Variants in PCDH7 observed in about 807,000 individuals in gnomAD.
PCDH7 encodes protocadherin-7.
PCDH7 carries 17 observed loss-of-function variants against 58.9 expected under a neutral mutation model. The observed-to-expected ratio is 0.29, with a 90% CI of 0.20 to 0.43. The LOEUF is 0.43. PCDH7 is among the 20% of genes least tolerant of loss of function. The pLI is 1.00. For synonymous variants in PCDH7, 664 were observed against 616.4 expected, an observed-to-expected ratio of 1.08 and a Z score of -1.14; for missense variants, 1,274 against 1,441.0, an observed-to-expected ratio of 0.88 and a Z score of 1.88.
chr4:31,056,461 G>GAA, intron 3 of PCDH7, among the ~76,000 whole-genome samples: 1 of 37,136 alleles, frequency 2.7e-5, no homozygotes, highest in South Asian at 1.5e-3. Context: ...AAAGAAAGAA[G>GAA]AAAGAAAGAA....
At chr4:30,840,185 G>A (rs1378095009) in intron 1 of PCDH7, among the ~76,000 whole-genome samples, 2 of 151,862 alleles carry the variant, frequency 1.3e-5, no homozygotes, top group African/African-American at 4.8e-5. Flanking sequence ...CTGCCTGCTA[G>A]GATTTCTGTG....
chr4:31,043,076 C>T (rs1366271028), intron 3 of PCDH7, among the ~76,000 whole-genome samples: 3 of 151,956 alleles, frequency 2.0e-5, no homozygotes, highest in African/African-American at 7.3e-5. Context: ...TTCATGAATC[C>T]GTGAATGGAT....
At chr4:31,047,898 G>A (rs1190552782) in intron 3 of PCDH7, among the ~76,000 whole-genome samples, 1 of 152,028 alleles carries the variant, frequency 6.6e-6, no homozygotes, top group Non-Finnish European at 1.5e-5. Flanking sequence ...GTTTGGTTTA[G>A]ACTGTAGTGA....
chr4:30,721,385 G>C lies in PCDH7; in HGVS notation c.-38G>C. 6.9e-7 allele frequency: 1 copy of C among 1,443,524 alleles called. No individual in the cohort carries two copies. Among genetic ancestry groups the C allele is most frequent in the Non-Finnish European group, 9.1e-7 (1 of 1,100,328 alleles). The allele number at this position is 1,443,524 out of a possible 1,614,324, so 89.4% of individuals were successfully genotyped here. On this transcript the variant is annotated 5_prime_UTR_variant, in exon 1 of 2. Transcript: ENST00000361762. This position sits in a 1 kb window ranked among gnomAD's most constrained non-coding sequence, Gnocchi z 6.7. The stretch of plus-strand genomic sequence containing the variant: ...GGAGGAGGGGGGCGCCGAGGGGGCT[G>C]TGGTTAGAAGGAGCAGTAGCAGCAG...
chr4:30,835,453 G>C (rs775149956), intron 1 of PCDH7, among the ~76,000 whole-genome samples: 6 of 152,128 alleles, frequency 3.9e-5, no homozygotes, highest in Non-Finnish European at 8.8e-5. Flanking sequence ...TGAGGTAAAA[G>C]AGCTTCATCC....
At position 31,121,515 on chromosome 4, in the gene PCDH7, A is replaced by G. The variant is rs1338819682; in HGVS notation, c.*8-20958A>G. Among the ~76,000 whole-genome samples, 3 of 152,328 alleles carry G rather than the reference A, an allele frequency of 2.0e-5. No individual in the cohort carries two copies. In the East Asian group the frequency reaches 5.8e-4, roughly 29 times the overall value. On this transcript the variant is annotated intron_variant, in intron 3 of 3. Coordinates refer to the PCDH7 transcript ENST00000509759. ...CAAGCAGCAGTATAATAATCTGTGG[A>G]TACTTGGACATCAGAGACATTTTAT...
At chr4:30,952,485 T>G (rs1747457781) in intron 3 of PCDH7, among the ~76,000 whole-genome samples, 1 of 151,606 alleles carries the variant, frequency 6.6e-6, no homozygotes, top group African/African-American at 2.4e-5. Flanking sequence ...AAAAAAATCT[T>G]TGAGAAAAAA....
In PCDH7 at chr4:30,721,713, C is replaced by T. The variant is rs375186915; in HGVS notation, c.291C>T (p.Pro97=). The T allele has an allele frequency of 2.5e-6, 4 of 1,613,786 alleles. No homozygotes were observed. In the East Asian group the frequency reaches 6.7e-5, roughly 27 times the overall value. ...GGCGCATCGACCGCGAGAAGCTGCC[C>T]CAGTGTCAGATGATCTTCGACGAGA... The change falls in exon 1 of 2, where the codon CCC becomes CCT. Residue 97 remains proline (P), a synonymous_variant. Transcript: ENST00000361762. This position sits in a 1 kb window ranked among gnomAD's most constrained non-coding sequence, Gnocchi z 6.7.
intron 1 of PCDH7, among the ~76,000 whole-genome samples, chr4:30,898,613 G>C (rs73812667): frequency 0.13 from 20,442 of 152,032 alleles, 1,574 homozygotes; most frequent in African/African-American, 0.2. Context: ...TTTTTTGAAA[G>C]GAAATCTTGC....
At chr4:31,138,096 G>A (rs1331571793) in intron 3 of PCDH7, among the ~76,000 whole-genome samples, 1 of 151,980 alleles carries the variant, frequency 6.6e-6, no homozygotes, top group Non-Finnish European at 1.5e-5. Context: ...GCATCTTCTG[G>A]AAACATGAAA....
intron 1 of PCDH7, among the ~76,000 whole-genome samples, chr4:30,839,689 G>C (rs1351340693): frequency 6.6e-6 from 1 of 152,022 alleles, no homozygotes. Context: ...AACCAGAAAA[G>C]AGCACCATCA....
intron 1 of PCDH7, among the ~76,000 whole-genome samples, chr4:30,872,870 T>C (rs1735804629): frequency 6.6e-6 from 1 of 152,092 alleles, no homozygotes; most frequent in Admixed American, 6.6e-5. Context: ...ACCTTTTAGC[T>C]TGCTTATGAG....
In PCDH7 at chr4:30,878,862, A is replaced by G. The variant is rs1189042591; in HGVS notation, c.71-41291A>G. 3.3e-5 allele frequency among the ~76,000 whole-genome samples: 5 copies of G among 151,816 alleles called. No individual in the cohort carries two copies. The South Asian group carries it at 8.3e-4, about 25-fold the overall frequency. The stretch of plus-strand genomic sequence containing the variant: ...TGAAACTCTGTCTCAAAACAAAGAG[A>G]AAAAAAACAGGAAATACCTTTCCAT... On this transcript the variant is annotated intron_variant, in intron 1 of 3. Coordinates refer to the PCDH7 transcript ENST00000509759.
intron 3 of PCDH7, among the ~76,000 whole-genome samples, chr4:31,088,506 T>C (rs1051707614): frequency 2.6e-5 from 4 of 152,166 alleles, no homozygotes; most frequent in Admixed American, 2.6e-4. Context: ...TTGTGTTGTA[T>C]TTGTATACAC....
At chr4:30,977,413 T>C (rs1436673363) in intron 3 of PCDH7, among the ~76,000 whole-genome samples, 1 of 152,190 alleles carries the variant, frequency 6.6e-6, no homozygotes, top group Non-Finnish European at 1.5e-5. Context: ...TTGGTACTAA[T>C]TAGCAGGATT....
chr4:30,818,088 G>T (rs886990356), intron 1 of PCDH7, among the ~76,000 whole-genome samples: 1 of 152,076 alleles, frequency 6.6e-6, no homozygotes, highest in Non-Finnish European at 1.5e-5. Flanking sequence ...AGCCTTTTGA[G>T]CCATTTCTTC....
At chr4:30,975,520 T>A (rs1749992467) in intron 3 of PCDH7, among the ~76,000 whole-genome samples, 1 of 152,172 alleles carries the variant, frequency 6.6e-6, no homozygotes, top group Non-Finnish European at 1.5e-5. Flanking sequence ...GCAGACACAT[T>A]CCAGAGATAA....
At chr4:31,087,564 G>A (rs955121109) in intron 3 of PCDH7, among the ~76,000 whole-genome samples, 1 of 152,084 alleles carries the variant, frequency 6.6e-6, no homozygotes, top group Non-Finnish European at 1.5e-5. Context: ...AAGGATCTGT[G>A]TTAATGAGAA....
chr4:31,013,869 G>T (rs1373321017), intron 3 of PCDH7, among the ~76,000 whole-genome samples: 1 of 151,990 alleles, frequency 6.6e-6, no homozygotes, highest in African/African-American at 2.4e-5. Flanking sequence ...TGTTACATTG[G>T]CATTCATGTT....
Sources: allele counts gnomAD v4.1 joint callset (sites outside exome capture counted in the v4.1 genomes callset), GRCh38; gene constraint gnomAD v4.1.1; non-coding constraint Gnocchi (gnomAD v3.1); transcripts MANE v1.5; gene names NCBI Gene and HGNC (gene_info 2026-07-23, HGNC 2026-07-21).